Variants in FBXL4 observed in about 807,000 individuals in gnomAD.
FBXL4 encodes F-box and leucine rich repeat protein 4, also known as F-box/LRR-repeat protein 4.
Under a neutral mutation model 58.9 loss-of-function variants are expected in FBXL4, and 40 were observed. The ratio of observed to expected loss-of-function variants is 0.68; its 90% CI spans 0.53 to 0.88. The LOEUF (loss-of-function observed/expected upper bound fraction) is 0.88, where lower values mean the gene tolerates loss of function less well. FBXL4 is among the 40% of genes least tolerant of loss of function. FBXL4 has a pLI of 0.00. For missense variants in FBXL4, 676 were observed against 734.4 expected, an observed-to-expected ratio of 0.92 and a Z score of 0.92; for synonymous variants, 263 against 265.5, an observed-to-expected ratio of 0.99 and a Z score of 0.09.
Position 98,926,867 on chromosome 6 carries a change from T to C in FBXL4, c.122A>G (p.Asn41Ser), listed in dbSNP as rs1260422926. 3.1e-6 allele frequency: 5 copies of C among 1,614,062 alleles called. No individual in the cohort carries two copies. The highest frequency in any genetic ancestry group is 4.2e-6 in the Non-Finnish European group (5 of 1,180,028). ...TGCATTGAGAGGGGAAGTCTGGCTG[T>C]TTGATTCTATAGCTCTATGGGTGTT... ...MMNTHRAIES[N>S]SQTSPLNAEV... Residue 41 changes from asparagine (N) to serine (S), a missense_variant, in exon 4 of 10, where the codon AAC becomes AGC. Transcript: ENST00000369244.
At chr6:98,897,281 CAAG>C in intron 7 of FBXL4, 1 of 985,068 alleles carries the variant, frequency 1.0e-6, no homozygotes, top group Non-Finnish European at 1.2e-6. Flanking sequence ...CAGTCCTACC[CAAG>C]AAAAGATAGC....
At chr6:98,877,132 A>G (rs1324243633) in intron 8 of FBXL4, among the ~76,000 whole-genome samples, 1 of 152,150 alleles carries the variant, frequency 6.6e-6, no homozygotes, top group Non-Finnish European at 1.5e-5. Context: ...TTTTTGAGTT[A>G]GAACCAAAGG....
chr6:98,933,074 C>A (rs1582449462), intron 2 of FBXL4, among the ~76,000 whole-genome samples: 1 of 152,166 alleles, frequency 6.6e-6, no homozygotes, highest in South Asian at 2.1e-4. Context: ...TGAGGAAGGA[C>A]TTTTCTGGTT....
chr6:98,877,916 TAAG>T (rs1770712267), intron 8 of FBXL4, among the ~76,000 whole-genome samples: 2 of 152,216 alleles, frequency 1.3e-5, no homozygotes, highest in Admixed American at 6.5e-5. Context: ...TAAATATTTC[TAAG>T]TAGTCCTAAA....
intron 5 of FBXL4, among the ~76,000 whole-genome samples, chr6:98,914,203 C>A (rs1269894929): frequency 6.6e-6 from 1 of 152,138 alleles, no homozygotes; most frequent in Non-Finnish European, 1.5e-5. Context: ...GAGTCCAGGA[C>A]CACATGGATT....
In FBXL4 at chr6:98,918,405, A is replaced by G. The variant is rs1043389465; in HGVS notation, c.513-686T>C. Reference sequence around the variant, plus strand: ...GATTAATCATTATTTTCCATGCAATAAACTTATTTCCACCTTTATGTCTTT... The same window carrying G: ...GATTAATCATTATTTTCCATGCAATGAACTTATTTCCACCTTTATGTCTTT... On this transcript the variant is annotated intron_variant, in intron 4 of 9. Coordinates refer to ENST00000369244, the MANE Select transcript of FBXL4 (RefSeq NM_001278716.2). 5.3e-5 allele frequency among the ~76,000 whole-genome samples: 8 copies of G among 152,282 alleles called. No homozygotes were observed. In the South Asian group the frequency reaches 1.2e-3, roughly 24 times the overall value.
intron 1 of FBXL4, among the ~76,000 whole-genome samples, chr6:98,939,694 T>C (rs755670212): frequency 2.6e-5 from 4 of 152,254 alleles, no homozygotes; most frequent in Admixed American, 6.5e-5. Context: ...TGTAATGTCA[T>C]GACTTCTCGC....
At chr6:98,892,516 A>G (rs1267143359) in intron 7 of FBXL4, among the ~76,000 whole-genome samples, 1 of 152,232 alleles carries the variant, frequency 6.6e-6, no homozygotes, top group Admixed American at 6.5e-5. Flanking sequence ...TAAATCAAAT[A>G]AGAATGCAGT....
At chr6:98,926,028 T>C (rs1772765726) in intron 4 of FBXL4, among the ~76,000 whole-genome samples, 1 of 152,162 alleles carries the variant, frequency 6.6e-6, no homozygotes, top group Non-Finnish European at 1.5e-5. Context: ...AATATGGGTG[T>C]TGCAAAAACA....
intron 6 of FBXL4, among the ~76,000 whole-genome samples, chr6:98,901,366 G>A (rs1026193942): frequency 6.6e-6 from 1 of 152,032 alleles, no homozygotes; most frequent in African/African-American, 2.4e-5. Flanking sequence ...GACGGGGGAT[G>A]CAGGAGGCGC....
At chr6:98,894,025 C>T (rs2128386604) in intron 7 of FBXL4, among the ~76,000 whole-genome samples, 1 of 152,092 alleles carries the variant, frequency 6.6e-6, no homozygotes, top group East Asian at 1.9e-4. Flanking sequence ...AGGGGCATGT[C>T]CAGCTAATTT....
intron 7 of FBXL4, 96 bp downstream of exon 7, chr6:98,899,172 A>T (rs940585029): frequency 1.3e-6 from 2 of 1,526,244 alleles, no homozygotes; most frequent in Non-Finnish European, 1.8e-6. Context: ...AACTTGATTT[A>T]AAAATAAAAA....
intron 4 of FBXL4, among the ~76,000 whole-genome samples, chr6:98,920,819 T>TACATACACAC (rs1554221589): frequency 4.8e-5 from 7 of 144,844 alleles, no homozygotes; most frequent in Non-Finnish European, 9.2e-5. Context: ...TACACACACA[T>TACATACACAC]ACACACACAC....
At chr6:98,942,861 T>C (rs1016247929) in intron 1 of FBXL4, among the ~76,000 whole-genome samples, 3 of 152,108 alleles carry the variant, frequency 2.0e-5, no homozygotes, top group Admixed American at 1.3e-4. Flanking sequence ...GAGTCAGTTA[T>C]AGATGGTTTC....
chr6:98,895,740 C>T (rs1771387078), intron 7 of FBXL4, among the ~76,000 whole-genome samples: 1 of 152,074 alleles, frequency 6.6e-6, no homozygotes, highest in African/African-American at 2.4e-5. Flanking sequence ...AGCTTTTTCC[C>T]AAACTTTGGG....
At chr6:98,908,357 T>A (rs571279230) in intron 5 of FBXL4, among the ~76,000 whole-genome samples, 2 of 152,196 alleles carry the variant, frequency 1.3e-5, no homozygotes, top group Middle Eastern at 3.2e-3. Flanking sequence ...TCTTTCTATA[T>A]CTGCACATAC....
intron 2 of FBXL4, among the ~76,000 whole-genome samples, chr6:98,932,042 C>A (rs530233775): frequency 6.6e-6 from 1 of 152,142 alleles, no homozygotes; most frequent in Non-Finnish European, 1.5e-5. Flanking sequence ...ATTTTTCCCA[C>A]CTGGTGCAAA....
chr6:98,884,715 A>C (rs1770973846), intron 7 of FBXL4, among the ~76,000 whole-genome samples: 1 of 152,160 alleles, frequency 6.6e-6, no homozygotes, highest in South Asian at 2.1e-4. Context: ...GCCCATTTTG[A>C]TCTGAAGACT....
At chr6:98,915,618 T>G (rs1278946430) in intron 5 of FBXL4, among the ~76,000 whole-genome samples, 14 of 152,098 alleles carry the variant, frequency 9.2e-5, no homozygotes, top group African/African-American at 3.1e-4. Flanking sequence ...GCTAGCCATA[T>G]GTAGAAAGCT....
Sources: allele counts gnomAD v4.1 joint callset (sites outside exome capture counted in the v4.1 genomes callset), GRCh38; gene constraint gnomAD v4.1.1; transcripts MANE v1.5; gene names NCBI Gene and HGNC (gene_info 2026-07-23, HGNC 2026-07-21).